The following PCSK6 variants were observed in gnomAD, a reference collection of about 807,000 sequenced individuals.
PCSK6 encodes the protein paired basic amino acid cleaving enzyme 4.
In PCSK6, 85 loss-of-function variants were observed where a neutral mutation model predicts 123.3. The ratio of observed to expected loss-of-function variants is 0.69; its 90% CI spans 0.58 to 0.83. The LOEUF (loss-of-function observed/expected upper bound fraction) is 0.83, where lower values mean the gene tolerates loss of function less well. PCSK6 is among the 40% of genes least tolerant of loss of function. The pLI, the probability that PCSK6 is intolerant of heterozygous loss-of-function variation, is 0.00. For synonymous variants in PCSK6, 508 were observed against 516.0 expected (o/e 0.98, Z 0.21); for missense variants, 1,191 against 1,282.3 (o/e 0.93, Z 1.09).
chr15:101,376,196 G>A (rs139989943), intron 11 of PCSK6, among the ~76,000 whole-genome samples: 4 of 152,030 alleles, frequency 2.6e-5, no homozygotes, highest in African/African-American at 9.7e-5. Flanking sequence ...GGGCTCAAGC[G>A]ATCCTCCCAC....
intron 1 of PCSK6, among the ~76,000 whole-genome samples, chr15:101,478,680 G>A (rs974928076): frequency 3.3e-5 from 5 of 152,166 alleles, no homozygotes; most frequent in African/African-American, 1.2e-4. Flanking sequence ...TAGCCACGTG[G>A]CACAGATGAC....
intron 6 of PCSK6, among the ~76,000 whole-genome samples, chr15:101,424,867 G>A (rs80267449): frequency 0.048 from 7,350 of 152,248 alleles, 176 homozygotes; most frequent in African/African-American, 0.063. Context: ...TTTAATTAAC[G>A]CATTGAATAT....
intron 6 of PCSK6, among the ~76,000 whole-genome samples, chr15:101,414,189 C>G (rs1198433891): frequency 6.6e-6 from 1 of 152,082 alleles, no homozygotes; most frequent in East Asian, 1.9e-4. Flanking sequence ...AAGTCAAAAC[C>G]TAGCCAAATT....
intron 6 of PCSK6, among the ~76,000 whole-genome samples, chr15:101,427,638 G>C (rs563667418): frequency 6.6e-6 from 1 of 152,246 alleles, no homozygotes; most frequent in Non-Finnish European, 1.5e-5. Context: ...CCAGAGGAGA[G>C]AGGGTACCTT....
chr15:101,469,627 G>T (rs6598482), intron 1 of PCSK6, among the ~76,000 whole-genome samples: 3,269 of 152,290 alleles, frequency 0.021, 124 homozygotes, highest in African/African-American at 0.073. Context: ...CTGAGCAGGG[G>T]TGTCCACACG....
chr15:101,484,700 T>C (rs1305252769), intron 1 of PCSK6, among the ~76,000 whole-genome samples: 1 of 152,224 alleles, frequency 6.6e-6, no homozygotes, highest in African/African-American at 2.4e-5. Flanking sequence ...CTGCTTTGTG[T>C]GTTTCTTAAC....
At chr15:101,395,515 CT>C (rs2042383475) in intron 7 of PCSK6, among the ~76,000 whole-genome samples, 1 of 152,198 alleles carries the variant, frequency 6.6e-6, no homozygotes, top group Admixed American at 6.5e-5. Context: ...AAAACGGTTT[CT>C]GGGAAGGAGA....
At chr15:101,413,005 T>TGAGGAGGAGGAGGAG (rs925761371) in intron 6 of PCSK6, among the ~76,000 whole-genome samples, 2 of 106,028 alleles carry the variant, frequency 1.9e-5, no homozygotes, top group African/African-American at 7.8e-5. Context: ...GGAGGAGGAG[T>TGAGGAGGAGGAGGAG]GAGGAGGAGG....
At chr15:101,366,159 T>TA in intron 13 of PCSK6, 37 bp downstream of exon 13, 1 of 1,589,346 alleles carries the variant, frequency 6.3e-7, no homozygotes, top group Middle Eastern at 1.7e-4. Context: ...AGGCTTGAGA[T>TA]ACAAAAGCTG....
intron 1 of PCSK6, among the ~76,000 whole-genome samples, chr15:101,482,924 C>A (rs1279037494): frequency 2.0e-5 from 3 of 152,218 alleles, no homozygotes; most frequent in African/African-American, 7.2e-5. Context: ...CTCCCCGCAC[C>A]AGCTCCAATG....
At chr15:101,330,570 C>T (rs2040353274) in intron 15 of PCSK6, among the ~76,000 whole-genome samples, 1 of 152,202 alleles carries the variant, frequency 6.6e-6, no homozygotes, top group African/African-American at 2.4e-5. Flanking sequence ...CTCTGGTCTG[C>T]CCATCCCACT....
intron 1 of PCSK6, among the ~76,000 whole-genome samples, chr15:101,488,174 G>A (rs1023893286): frequency 4.6e-5 from 7 of 152,274 alleles, no homozygotes; most frequent in Non-Finnish European, 8.8e-5. Context: ...CACGGATAAC[G>A]ATGAAACTAC....
At chr15:101,452,724 G>A (rs1220559925) in intron 1 of PCSK6, among the ~76,000 whole-genome samples, 1 of 152,186 alleles carries the variant, frequency 6.6e-6, no homozygotes, top group Non-Finnish European at 1.5e-5. Context: ...CAGGGAAAGT[G>A]AAGACACAGG....
At position 101,327,011 on chromosome 15, in the gene PCSK6, T is replaced by G. The variant is rs576046047; in HGVS notation, c.2078-532A>C. Reference sequence around the variant, plus strand: ...GTGGGAATGGGGATGGATCTCCGCATGCTCAGGACCGCCTGGTGGGGCTGT... The same window carrying G: ...GTGGGAATGGGGATGGATCTCCGCAGGCTCAGGACCGCCTGGTGGGGCTGT... On this transcript the variant is annotated intron_variant, in intron 15 of 21. Transcript: ENST00000611716. Among the ~76,000 whole-genome samples, 6 of 152,228 alleles carry G rather than the reference T, an allele frequency of 3.9e-5. No homozygotes were observed. In the South Asian group the frequency reaches 1.0e-3, roughly 26 times the overall value.
chr15:101,418,638 G>A (rs1216462951), intron 6 of PCSK6, among the ~76,000 whole-genome samples: 3 of 151,180 alleles, frequency 2.0e-5, no homozygotes, highest in Admixed American at 6.6e-5. Context: ...TCAGCCTCCC[G>A]AGTAGCTGGG....
At chr15:101,323,865 G>A (rs1430351543) in intron 17 of PCSK6, among the ~76,000 whole-genome samples, 2 of 152,204 alleles carry the variant, frequency 1.3e-5, no homozygotes, top group African/African-American at 4.8e-5. Flanking sequence ...AGCAGTAAGG[G>A]CCCAGAGAGG....
chr15:101,439,522 T>C (rs2141141472), intron 2 of PCSK6, among the ~76,000 whole-genome samples: 1 of 152,272 alleles, frequency 6.6e-6, no homozygotes, highest in East Asian at 1.9e-4. Context: ...CTCTGGGCCC[T>C]GGGCAGCTGC....
At chr15:101,391,100 C>G (rs140656883) in intron 8 of PCSK6, among the ~76,000 whole-genome samples, 1 of 152,280 alleles carries the variant, frequency 6.6e-6, no homozygotes, top group Non-Finnish European at 1.5e-5. Flanking sequence ...GGAAGGCCAA[C>G]AGAGACCAGT....
At chr15:101,392,591 C>CTTTTTTTTTTTTTTTTT (rs2042264276) in intron 8 of PCSK6, among the ~76,000 whole-genome samples, 1 of 36,394 alleles carries the variant, frequency 2.7e-5, no homozygotes, top group African/African-American at 1.2e-4. Context: ...CCCTCCCTTC[C>CTTTTTTTTTTTTTTTTT]TCTTTTTTTT....
Sources: gnomAD v4.1 joint callset for allele counts (sites outside exome capture counted in the v4.1 genomes callset) on GRCh38, gnomAD v4.1.1 for gene constraint, MANE v1.5 for transcripts, NCBI Gene and HGNC (gene_info 2026-07-23, HGNC 2026-07-21) for gene names.